BLZF1: variants seen among roughly 807,000 people sequenced by gnomAD.
BLZF1 encodes the protein golgin-45.
BLZF1 carries 39 observed loss-of-function variants against 43.8 expected under a neutral mutation model. The observed-to-expected ratio is 0.89, with a 90% CI of 0.69 to 1.16. The LOEUF (loss-of-function observed/expected upper bound fraction) is 1.16, where lower values mean the gene tolerates loss of function less well. Ranked by LOEUF, BLZF1 falls within the 50% of genes most tolerant of loss-of-function variation. The pLI, the probability that BLZF1 is intolerant of heterozygous loss-of-function variation, is 0.00. For synonymous variants in BLZF1, 136 were observed against 159.4 expected, an observed-to-expected ratio of 0.85 and a Z score of 1.11; for missense variants, 449 against 469.8, an observed-to-expected ratio of 0.96 and a Z score of 0.41.
intron 3 of BLZF1, chr1:169,377,341 T>G (rs139738610): frequency 4.5e-4 from 107 of 236,482 alleles, no homozygotes; most frequent in African/African-American, 2.2e-3. Flanking sequence ...GTAGTTTTGC[T>G]TGTGTATACG....
chr1:169,380,733 C>T, intron 5 of BLZF1, 124 bp downstream of exon 5: 1 of 1,083,662 alleles, frequency 9.2e-7, no homozygotes, highest in Non-Finnish European at 1.3e-6. Flanking sequence ...ACTTACTGAG[C>T]ATATACTTTT....
intron 6 of BLZF1, among the ~76,000 whole-genome samples, chr1:169,385,343 C>T (rs563354948): frequency 6.6e-6 from 1 of 152,156 alleles, no homozygotes; most frequent in Admixed American, 6.6e-5. Flanking sequence ...ATTACAATAA[C>T]CTCCCTTTTT....
intron 2 of BLZF1, among the ~76,000 whole-genome samples, chr1:169,375,321 TACAC>T (rs996783066): frequency 7.0e-6 from 1 of 142,704 alleles, no homozygotes; most frequent in African/African-American, 2.6e-5. Flanking sequence ...GAGATTACAT[TACAC>T]ACACACATAT....
At chr1:169,391,769 C>T (rs957776923), downstream of BLZF1, among the ~76,000 whole-genome samples, 16 of 152,320 alleles carry the variant, frequency 1.1e-4, no homozygotes, top group African/African-American at 3.8e-4. Context: ...AGTAAATTTA[C>T]TTAATCTAAA....
At chr1:169,392,292 C>T (rs941784645), downstream of BLZF1, among the ~76,000 whole-genome samples, 1 of 152,114 alleles carries the variant, frequency 6.6e-6, no homozygotes, top group Non-Finnish European at 1.5e-5. Flanking sequence ...CAAAACAATG[C>T]GGAAAAGGCC....
rs368880579 is a variant in BLZF1, at chr1:169,382,038, G to A, written c.798-24G>A. On this transcript the variant is annotated intron_variant, in intron 5 of 6. Coordinates refer to ENST00000367808, the MANE Select transcript of BLZF1 (RefSeq NM_001320973.2). Reference sequence around the variant, plus strand: ...TACATTTTGCTCTCTTACTATGTCCGGTGTTCATGTGTGTTCTATGCAGAT... The same window carrying A: ...TACATTTTGCTCTCTTACTATGTCCAGTGTTCATGTGTGTTCTATGCAGAT... The A allele has an allele frequency of 7.3e-5, 115 of 1,565,684 alleles. No homozygotes were observed. Among genetic ancestry groups the A allele is most frequent in the South Asian group, 2.1e-4 (18 of 86,020 alleles).
rs138335460 is a variant in BLZF1, at chr1:169,380,521, C to T, written c.709C>T (p.Gln237Ter). The T allele has an allele frequency of 2.6e-5, 42 of 1,612,626 alleles. No homozygotes were observed. The highest frequency in any genetic ancestry group is 3.4e-5 in the Non-Finnish European group (40 of 1,178,940). ...DELTNSRAAL[Q>*]RQNRDAHGAI... is the part of the protein sequence containing the mutation. ...GTTAACCAACTCAAGAGCAGCTTTA[C>T]AGCGTCAAAACCGTGATGCACACGG... Residue 237 changes from glutamine (Q) to a stop codon, truncating the protein, a stop_gained, in exon 5 of 7, where the codon CAG becomes TAG. Transcript: ENST00000367808. LOFTEE classifies it high-confidence loss of function.
downstream of BLZF1, among the ~76,000 whole-genome samples, chr1:169,390,101 T>G (rs888657114): frequency 2.0e-5 from 3 of 152,148 alleles, no homozygotes; most frequent in Admixed American, 1.3e-4. Context: ...ATGGTAAATT[T>G]TACACGTTAC....
Position 169,382,263 on chromosome 1 carries a change from T to C in BLZF1, c.999T>C (p.Ala333=), listed in dbSNP as rs1196769311. 13 of 1,613,530 alleles carry C rather than the reference T, an allele frequency of 8.1e-6. No homozygotes were observed. The highest frequency in any genetic ancestry group is 1.1e-5 in the Non-Finnish European group (13 of 1,179,578). Residue 333 remains alanine, a synonymous_variant, in exon 6 of 7, where the codon GCT becomes GCC. Coordinates refer to ENST00000367808, the MANE Select transcript of BLZF1 (RefSeq NM_001320973.2). The stretch of plus-strand genomic sequence containing the variant: ...CAGTTGAATTCTGCAGCACCCCAGC[T>C]GAGAAAATGGCTGAAACGGTAAAAT... ...PSTVEFCSTP[A]EKMAETVLRI...
intron 6 of BLZF1, 122 bp from the exon 7 acceptor site, chr1:169,386,875 T>G (rs1654688019): frequency 6.2e-6 from 4 of 645,660 alleles, no homozygotes; most frequent in East Asian, 6.1e-5. Context: ...AGTCATTCTG[T>G]TTTTTTAGTA....
chr1:169,391,540 C>T (rs1190157060), downstream of BLZF1, among the ~76,000 whole-genome samples: 1 of 152,086 alleles, frequency 6.6e-6, no homozygotes, highest in African/African-American at 2.4e-5. Context: ...TGCAAATGAA[C>T]TGGGGAGGAA....
At chr1:169,395,271 GT>G (rs1386295566) in intron 7 of BLZF1, 6 of 1,381,996 alleles carry the variant, frequency 4.3e-6, no homozygotes, top group Non-Finnish European at 5.8e-6. Context: ...ATGCTATAAA[GT>G]TACTATTATA....
chr1:169,392,432 G>A (rs1654836126), downstream of BLZF1, among the ~76,000 whole-genome samples: 1 of 152,136 alleles, frequency 6.6e-6, no homozygotes. Context: ...TGAGGCTTCA[G>A]AAATAAACCC....
chr1:169,384,738 C>G (rs1654622238), intron 6 of BLZF1, among the ~76,000 whole-genome samples: 1 of 152,174 alleles, frequency 6.6e-6, no homozygotes, highest in South Asian at 2.1e-4. Flanking sequence ...TTCTCTGAAT[C>G]TTGCTGGCAA....
chr1:169,378,137 G>A (rs1339113372), intron 3 of BLZF1, among the ~76,000 whole-genome samples, 193 bp from the exon 4 acceptor site: 2 of 151,860 alleles, frequency 1.3e-5, no homozygotes, highest in African/African-American at 4.8e-5. Flanking sequence ...GGATATAGAT[G>A]TATGGAGAGA....
chr1:169,381,333 A>C (rs896364802), intron 5 of BLZF1, among the ~76,000 whole-genome samples: 4 of 152,156 alleles, frequency 2.6e-5, no homozygotes, highest in African/African-American at 7.2e-5. Context: ...AGGTTACTCA[A>C]GAACAAATAG....
chr1:169,387,112 C>G lies in BLZF1; in HGVS notation c.1133C>G (p.Pro378Arg). ...ATKKNIGRFH[P>R]YTRYENITFN... ...AAGAAAAATATTGGACGATTTCATC[C>G]CTATACTAGATATGAAAATATAACT... is the stretch of plus-strand genomic sequence containing the variant. Residue 378 changes from proline to arginine, a missense_variant, in exon 7 of 7, where the codon CCC becomes CGC. Transcript: ENST00000367808. The G allele has an allele frequency of 6.2e-7, 1 of 1,613,306 alleles. No individual in the cohort carries two copies.
At chr1:169,372,656 T>C (rs1654160445) in intron 2 of BLZF1, among the ~76,000 whole-genome samples, 1 of 152,148 alleles carries the variant, frequency 6.6e-6, no homozygotes, top group Non-Finnish European at 1.5e-5. Context: ...ACACAATACA[T>C]GGCAGTAGGG....
intron 7 of BLZF1, among the ~76,000 whole-genome samples, chr1:169,394,498 A>C (rs1454586550): frequency 6.6e-6 from 1 of 152,056 alleles, no homozygotes; most frequent in Admixed American, 6.5e-5. Context: ...AGGAGTCCCC[A>C]GTGTCTACTG....
Sources: allele counts gnomAD v4.1 joint callset (sites outside exome capture counted in the v4.1 genomes callset), GRCh38; gene constraint gnomAD v4.1.1; transcripts MANE v1.5; gene names NCBI Gene and HGNC (gene_info 2026-07-23, HGNC 2026-07-21).